The following FHIT variants were observed in gnomAD, a reference collection of about 807,000 sequenced individuals.
FHIT encodes fragile histidine triad diadenosine triphosphatase.
In FHIT, 19 loss-of-function variants were observed where a neutral mutation model predicts 17.9. The observed-to-expected ratio is 1.06, with a 90% CI of 0.74 to 1.56. FHIT has a LOEUF of 1.56. Among genes scored for constraint, FHIT ranks in the 40% most tolerant of loss-of-function variants. The pLI is 0.00. For synonymous variants in FHIT, 81 were observed against 69.7 expected (o/e 1.16, Z -0.81); for missense variants, 248 against 189.2 (o/e 1.31, Z -1.82).
At chr3:60,041,366 T>C (rs1255470812) in intron 5 of FHIT, among the ~76,000 whole-genome samples, 4 of 152,218 alleles carry the variant, frequency 2.6e-5, no homozygotes, top group Non-Finnish European at 5.9e-5. Flanking sequence ...GTTTTTTTCT[T>C]GAGCCAATGA....
At chr3:59,769,431 G>T (rs1337269746) in intron 8 of FHIT, among the ~76,000 whole-genome samples, 1 of 152,200 alleles carries the variant, frequency 6.6e-6, no homozygotes, top group East Asian at 1.9e-4. Context: ...ACGCCTGCTA[G>T]TCTCTACAAA....
At chr3:60,211,305 T>C (rs1703443074) in intron 5 of FHIT, among the ~76,000 whole-genome samples, 1 of 151,968 alleles carries the variant, frequency 6.6e-6, no homozygotes, top group South Asian at 2.1e-4. Flanking sequence ...ACCTTATGTA[T>C]ATATTGTATT....
chr3:60,652,976 C>A (rs9311768), intron 4 of FHIT, among the ~76,000 whole-genome samples: 4,292 of 148,706 alleles, frequency 0.029, 213 homozygotes, highest in African/African-American at 0.099. Flanking sequence ...TAGCACATTG[C>A]GATTCCCCAG....
intron 8 of FHIT, among the ~76,000 whole-genome samples, chr3:59,852,834 A>G (rs1161381255): frequency 6.6e-6 from 1 of 152,112 alleles, no homozygotes; most frequent in Non-Finnish European, 1.5e-5. Flanking sequence ...AGTTTCCGCC[A>G]TGTCTCTTCA....
intron 5 of FHIT, among the ~76,000 whole-genome samples, chr3:60,335,502 T>C (rs892916380): frequency 6.6e-6 from 1 of 152,268 alleles, no homozygotes; most frequent in African/African-American, 2.4e-5. Context: ...TCAAACACTA[T>C]GATTCAAACA....
At chr3:60,796,273 T>A (rs9754707) in intron 4 of FHIT, among the ~76,000 whole-genome samples, 60,147 of 151,994 alleles carry the variant, frequency 0.4, 13,362 homozygotes, top group East Asian at 0.78. Context: ...CTTATTTATG[T>A]TTCTTATGGA....
At chr3:60,975,058 G>A (rs1483326715) in intron 3 of FHIT, among the ~76,000 whole-genome samples, 4 of 152,130 alleles carry the variant, frequency 2.6e-5, no homozygotes, top group South Asian at 4.1e-4. Flanking sequence ...ATATTCCCAG[G>A]AGAAAGGCTG....
chr3:59,918,177 A>G (rs1705225413), intron 8 of FHIT, among the ~76,000 whole-genome samples: 1 of 152,154 alleles, frequency 6.6e-6, no homozygotes. Context: ...ATTATGTTAG[A>G]ACTAGCAGAG....
chr3:60,073,671 A>G (rs572763985), intron 5 of FHIT, among the ~76,000 whole-genome samples: 1 of 151,966 alleles, frequency 6.6e-6, no homozygotes, highest in Non-Finnish European at 1.5e-5. Flanking sequence ...TGATCTACCG[A>G]AGTCACCCTA....
intron 8 of FHIT, among the ~76,000 whole-genome samples, chr3:59,820,020 C>T (rs1022172251): frequency 6.6e-6 from 1 of 152,204 alleles, no homozygotes; most frequent in Admixed American, 6.5e-5. Flanking sequence ...CACCAGAAAC[C>T]CAATCCGCTG....
intron 8 of FHIT, among the ~76,000 whole-genome samples, chr3:59,817,695 A>G (rs2106639466): frequency 6.6e-6 from 1 of 152,320 alleles, no homozygotes; most frequent in East Asian, 1.9e-4. Flanking sequence ...TTTGTTTCAC[A>G]TTCGTTTCGG....
chr3:60,019,415 C>CTTTTTTTTTTTTTTTTTTTTTTTTTTT (rs1281567026), intron 5 of FHIT, among the ~76,000 whole-genome samples: 12 of 121,090 alleles, frequency 9.9e-5, no homozygotes, highest in South Asian at 3.1e-4. Flanking sequence ...TGAGATGCTC[C>CTTTTTTTTTTTTTTTTTTTTTTTTTTT]TTTTTTTTTT....
intron 5 of FHIT, among the ~76,000 whole-genome samples, chr3:60,241,844 T>C (rs1705145344): frequency 6.6e-6 from 1 of 152,122 alleles, no homozygotes; most frequent in African/African-American, 2.4e-5. Flanking sequence ...TGGAGCTTAC[T>C]CTAATTACTC....
At chr3:60,303,947 A>G (rs1293645943) in intron 5 of FHIT, among the ~76,000 whole-genome samples, 1 of 152,142 alleles carries the variant, frequency 6.6e-6, no homozygotes, top group Non-Finnish European at 1.5e-5. Flanking sequence ...TAAGACACCC[A>G]CAACATCATG....
At chr3:60,988,946 TAAAAAAA>T (rs535898632) in intron 3 of FHIT, among the ~76,000 whole-genome samples, 5 of 34,334 alleles carry the variant, frequency 1.5e-4, no homozygotes, top group Non-Finnish European at 2.4e-4. Context: ...ATGGCTTTGT[TAAAAAAA>T]AAAAAAAAAA....
chr3:60,539,081 A>C (rs1259873011), intron 4 of FHIT, among the ~76,000 whole-genome samples: 1 of 152,198 alleles, frequency 6.6e-6, no homozygotes, highest in Non-Finnish European at 1.5e-5. Context: ...CAAAGAACTC[A>C]AACAAATTTA....
chr3:61,045,899 T>C (rs1055642260), intron 2 of FHIT, among the ~76,000 whole-genome samples: 1 of 151,872 alleles, frequency 6.6e-6, no homozygotes, highest in Admixed American at 6.6e-5. Context: ...ACTGGGCACA[T>C]AACGAAATGA....
At chr3:60,668,126 G>C (rs1317746764) in intron 4 of FHIT, among the ~76,000 whole-genome samples, 2 of 151,762 alleles carry the variant, frequency 1.3e-5, no homozygotes, top group Non-Finnish European at 2.9e-5. Context: ...GACAGGGGAG[G>C]ATCATTTGAG....
Position 61,090,183 on chromosome 3 carries a change from G to A in FHIT, c.-163-48084C>T, listed in dbSNP as rs2035436632. Among the ~76,000 whole-genome samples the A allele has an allele frequency of 2.0e-5, 3 of 152,082 alleles. No homozygotes were observed. The South Asian group carries it at 6.2e-4, about 31-fold the overall frequency. ...TTCTTCATTCATGCCCTTTTTTGGG[G>A]CAAAACTTCAAGGTGACAAAGTAAA... On this transcript the variant is annotated intron_variant, in intron 2 of 9. Coordinates refer to ENST00000492590, the MANE Select transcript of FHIT (RefSeq NM_002012.4).
Sources: allele counts gnomAD v4.1 joint callset (sites outside exome capture counted in the v4.1 genomes callset), GRCh38; gene constraint gnomAD v4.1.1; transcripts MANE v1.5; gene names NCBI Gene and HGNC (gene_info 2026-07-23, HGNC 2026-07-21).